The following PLD5 variants were observed in gnomAD, a reference collection of about 807,000 sequenced individuals.
The protein encoded by PLD5 is inactive phospholipase D5.
PLD5 carries 36 observed loss-of-function variants against 61.1 expected under a neutral mutation model. The observed-to-expected ratio is 0.59, with a 90% CI of 0.45 to 0.78. PLD5 has a LOEUF of 0.78. Ranked by LOEUF, PLD5 falls within the 30% of genes least tolerant of loss-of-function variation. The pLI is 0.00. For synonymous variants in PLD5, 243 were observed against 242.8 expected (o/e 1.00, Z -0.01); for missense variants, 515 against 644.4 (o/e 0.80, Z 2.17).
At chr1:242,394,931 T>TTATATGATTATATATGATTA (rs1663388989) in intron 1 of PLD5, among the ~76,000 whole-genome samples, 2 of 51,686 alleles carry the variant, frequency 3.9e-5, no homozygotes, top group African/African-American at 8.7e-5. Flanking sequence ...TATGTATACA[T>TTATATGATTATATATGATTA]TATATGAATA....
chr1:242,524,347 G>A lies in PLD5; in HGVS notation c.-71C>T, dbSNP rs1669377568. 7.6e-6 allele frequency: 10 copies of A among 1,322,344 alleles called. No homozygotes were observed. The South Asian group carries it at 1.5e-4, about 20-fold the overall frequency. 81.9% of individuals were successfully genotyped at this position (1,322,344 alleles called of 1,614,324 possible). On this transcript the variant is annotated 5_prime_UTR_variant, in exon 1 of 10. Transcript: ENST00000536534. ...GGCGCGCGGGGAGCCGGGCGCGGAG[G>A]GCGAGCGGGAGGCCCAGCGGGAGCC...
At chr1:242,311,623 C>T (rs567400687) in intron 2 of PLD5, among the ~76,000 whole-genome samples, 7 of 152,312 alleles carry the variant, frequency 4.6e-5, no homozygotes, top group East Asian at 1.9e-4. Flanking sequence ...ATCCTTTGTA[C>T]GTGGCAGGCT....
At chr1:242,503,814 C>T (rs530949089) in intron 1 of PLD5, among the ~76,000 whole-genome samples, 3 of 152,176 alleles carry the variant, frequency 2.0e-5, no homozygotes, top group African/African-American at 4.8e-5. Context: ...TGTCGGGAGC[C>T]GTTGATGGCA....
At chr1:242,102,777 G>T (rs1197419618) in intron 8 of PLD5, among the ~76,000 whole-genome samples, 1 of 152,168 alleles carries the variant, frequency 6.6e-6, no homozygotes, top group East Asian at 1.9e-4. Flanking sequence ...ATCTAGGCTT[G>T]TATTGATGCT....
In PLD5 at chr1:242,198,103, T is replaced by TG. The variant is rs397949308; in HGVS notation, c.735+21884_735+21885insC. ...ATGAATGAATGAATGAATGAATGAA[T>TG]AAATGAACCAATGGAAATAATAGGG... On this transcript the variant is annotated intron_variant, in intron 5 of 9. Coordinates refer to ENST00000536534, the MANE Select transcript of PLD5 (RefSeq NM_001372062.1). 5.9e-5 allele frequency among the ~76,000 whole-genome samples: 9 copies of TG among 152,168 alleles called. No homozygotes were observed. In the South Asian group the frequency reaches 6.2e-4, roughly 11 times the overall value.
intron 4 of PLD5, among the ~76,000 whole-genome samples, chr1:242,237,492 T>C (rs1480832731): frequency 2.0e-5 from 3 of 152,164 alleles, no homozygotes; most frequent in Non-Finnish European, 2.9e-5. Flanking sequence ...GCTTTCTTAG[T>C]AGGGGTGCTA....
chr1:242,164,047 A>G (rs527613767), intron 5 of PLD5, among the ~76,000 whole-genome samples: 1 of 152,096 alleles, frequency 6.6e-6, no homozygotes, highest in South Asian at 2.1e-4. Flanking sequence ...TTTGAAGACC[A>G]TGTATGTGCA....
chr1:242,259,113 G>C (rs999004022), intron 4 of PLD5, among the ~76,000 whole-genome samples: 4 of 152,316 alleles, frequency 2.6e-5, no homozygotes, highest in African/African-American at 9.6e-5. Context: ...AGGGTAAAGA[G>C]ATGAAGGTGA....
At chr1:242,166,067 G>A (rs1044642811) in intron 5 of PLD5, among the ~76,000 whole-genome samples, 1 of 152,156 alleles carries the variant, frequency 6.6e-6, no homozygotes, top group Non-Finnish European at 1.5e-5. Flanking sequence ...TCCTGTTGTG[G>A]TGGTGTATTG....
chr1:242,100,744 T>G lies in PLD5; in HGVS notation c.1278A>C (p.Thr426=), dbSNP rs747642146. The part of the protein sequence containing the change: ...FDLERENACA[T]KEQKNHTFPR... ...GAAAGGTGTGATTCTTTTGTTCTTT[T>G]GTAGCACAAGCATTCTCTCTTTCCA... The change falls in exon 9 of 10, where the codon ACA becomes ACC. Residue 426 remains threonine (T), a synonymous_variant. Coordinates refer to ENST00000536534, the MANE Select transcript of PLD5 (RefSeq NM_001372062.1). 7.4e-6 allele frequency: 12 copies of G among 1,614,052 alleles called. No individual in the cohort carries two copies. The highest frequency in any genetic ancestry group is 9.3e-6 in the Non-Finnish European group (11 of 1,179,988).
At chr1:242,177,028 G>A (rs964690048) in intron 5 of PLD5, among the ~76,000 whole-genome samples, 6 of 152,046 alleles carry the variant, frequency 3.9e-5, no homozygotes, top group Non-Finnish European at 7.4e-5. Context: ...AATTCCTCAA[G>A]GATCTAGAAC....
chr1:242,120,615 C>G (rs186182354), intron 6 of PLD5, among the ~76,000 whole-genome samples: 1 of 152,324 alleles, frequency 6.6e-6, no homozygotes, highest in East Asian at 1.9e-4. Context: ...CCCTCACTCA[C>G]TAAATACATC....
intron 4 of PLD5, among the ~76,000 whole-genome samples, chr1:242,262,626 G>A (rs1256662840): frequency 6.6e-6 from 1 of 152,098 alleles, no homozygotes; most frequent in Non-Finnish European, 1.5e-5. Context: ...GGTATGTGAG[G>A]AGGAAATGTG....
At chr1:242,251,837 G>A (rs1672723143) in intron 4 of PLD5, among the ~76,000 whole-genome samples, 1 of 152,218 alleles carries the variant, frequency 6.6e-6, no homozygotes, top group African/African-American at 2.4e-5. Flanking sequence ...AGGTGGAAGA[G>A]TTAGCCTTGG....
intron 1 of PLD5, among the ~76,000 whole-genome samples, chr1:242,468,242 T>C (rs893120154): frequency 5.9e-5 from 9 of 152,322 alleles, no homozygotes; most frequent in African/African-American, 2.2e-4. Context: ...ACAGAGCCAT[T>C]TTTAAGTTAT....
chr1:242,295,969 G>A (rs539959703), intron 2 of PLD5, among the ~76,000 whole-genome samples: 7 of 152,204 alleles, frequency 4.6e-5, no homozygotes, highest in South Asian at 2.1e-4. Context: ...AAAACGAAAG[G>A]GTTTGAACTA....
At position 242,329,358 on chromosome 1, in the gene PLD5, C is replaced by T. The variant is rs1307282705; in HGVS notation, c.326+18748G>A. On this transcript the variant is annotated intron_variant, in intron 2 of 9. Transcript: ENST00000536534. ...TTTGGTGTTTATGTGAAGGTGAGTC[C>T]TGAAGCCTCCTCTTATCCTCCACCT... is the stretch of plus-strand genomic sequence containing the variant. Among the ~76,000 whole-genome samples, 11 of 152,166 alleles carry T rather than the reference C, an allele frequency of 7.2e-5. No homozygotes were observed. In the East Asian group the frequency reaches 9.7e-4, roughly 13 times the overall value.
intron 1 of PLD5, among the ~76,000 whole-genome samples, chr1:242,512,879 T>TG (rs1420672703): frequency 4.6e-5 from 7 of 151,686 alleles, no homozygotes; most frequent in South Asian, 4.2e-4. Context: ...ATTTTTTCTT[T>TG]TTTTTTTTTG....
chr1:242,514,363 G>C lies in PLD5; in HGVS notation c.189+9725C>G, dbSNP rs563252233. Among the ~76,000 whole-genome samples the C allele has an allele frequency of 3.9e-5, 6 of 152,282 alleles. No homozygotes were observed. The South Asian group carries it at 6.2e-4, about 16-fold the overall frequency. ...CCTTACCAGTACGAACCATCACCAA[G>C]AGTGAGGCCTTCCTTGATATCCTTC... is the stretch of plus-strand genomic sequence containing the variant. On this transcript the variant is annotated intron_variant, in intron 1 of 9. Transcript: ENST00000536534.
Sources: allele counts gnomAD v4.1 joint callset (sites outside exome capture counted in the v4.1 genomes callset), GRCh38; gene constraint gnomAD v4.1.1; transcripts MANE v1.5; gene names NCBI Gene and HGNC (gene_info 2026-07-23, HGNC 2026-07-21).